GIT2: variants seen among roughly 807,000 people sequenced by gnomAD.
The protein encoded by GIT2 is GIT ArfGAP 2.
A neutral mutation model predicts 100.3 loss-of-function variants in GIT2; 32 were observed. The observed-to-expected ratio is 0.32, with a 90% CI of 0.24 to 0.43. GIT2 has a LOEUF of 0.43. GIT2 is among the 20% of genes least tolerant of loss of function. The pLI is 1.00. For missense variants in GIT2, 737 were observed against 975.1 expected, an observed-to-expected ratio of 0.76 and a Z score of 3.25; for synonymous variants, 353 against 364.1, an observed-to-expected ratio of 0.97 and a Z score of 0.35.
At chr12:109,979,065 C>T (rs1180103033) in intron 7 of GIT2, among the ~76,000 whole-genome samples, 1 of 152,022 alleles carries the variant, frequency 6.6e-6, no homozygotes, top group African/African-American at 2.4e-5. Flanking sequence ...AAAAGACAAG[C>T]AATCAGGATC....
chr12:109,949,038 TTC>T, intron 14 of GIT2: 1 of 581,052 alleles, frequency 1.7e-6, no homozygotes, highest in Non-Finnish European at 3.0e-6. Context: ...AGACCACTCA[TTC>T]TGTTTCTCTG....
chr12:109,930,733 G>T lies in GIT2; in HGVS notation c.*2245C>A, dbSNP rs748930566. Reference sequence around the variant, plus strand: ...ATAAAGGCAACATCTTCTATTGCAGGTCCTCAAACATTCCAAGGAAAACAC... The same window carrying T: ...ATAAAGGCAACATCTTCTATTGCAGTTCCTCAAACATTCCAAGGAAAACAC... On this transcript the variant is annotated 3_prime_UTR_variant, in exon 20 of 20. Coordinates refer to ENST00000355312, the MANE Select transcript of GIT2 (RefSeq NM_057169.5). 1 of 152,192 alleles carries T rather than the reference G, an allele frequency of 6.6e-6. No individual in the cohort carries two copies. Among genetic ancestry groups the T allele is most frequent in the African/African-American group, 2.4e-5 (1 of 41,428 alleles). The allele number at this position is 152,192 out of a possible 1,614,324, so 9.4% of individuals were successfully genotyped here. A position where few individuals can be genotyped will look rare whatever the true frequency, so the allele number is the denominator to read the frequency against.
At chr12:109,986,855 G>T (rs960107831) in intron 4 of GIT2, among the ~76,000 whole-genome samples, 2 of 152,132 alleles carry the variant, frequency 1.3e-5, no homozygotes, top group African/African-American at 2.4e-5. Flanking sequence ...TACTTGGGAG[G>T]CTGAGGCAGG....
At chr12:109,987,437 A>G (rs1223820492) in intron 4 of GIT2, among the ~76,000 whole-genome samples, 1 of 152,074 alleles carries the variant, frequency 6.6e-6, no homozygotes, top group Non-Finnish European at 1.5e-5. Flanking sequence ...AGCAAAAGCA[A>G]AAACCACATG....
intron 7 of GIT2, among the ~76,000 whole-genome samples, chr12:109,969,162 CTTTTTTTT>C (rs71079595): frequency 1.1e-4 from 10 of 89,134 alleles, no homozygotes; most frequent in African/African-American, 4.7e-4. Context: ...AAAACTTTTC[CTTTTTTTT>C]TTTTTTTTTT....
At chr12:109,978,329 CGCCTCA>C (rs1330085186) in intron 7 of GIT2, among the ~76,000 whole-genome samples, 3 of 151,944 alleles carry the variant, frequency 2.0e-5, no homozygotes, top group African/African-American at 7.3e-5. Context: ...ATGATCTGCC[CGCCTCA>C]GCCTCCCAAA....
Position 109,934,174 on chromosome 12 carries a change from A to C in GIT2, c.2004-89T>G. ...AAGTGCTAGAACAGATTCTGTTTAC[A>C]TTCCCTTCATGAAGGGGCTAGGGCT... On this transcript the variant is annotated intron_variant, in intron 18 of 19. Transcript: ENST00000355312. This position sits in a 1 kb window ranked among gnomAD's most constrained non-coding sequence, Gnocchi z 4.5. The C allele has an allele frequency of 1.3e-6, 1 of 782,302 alleles. No individual in the cohort carries two copies. The highest frequency in any genetic ancestry group is 2.3e-6 in the Non-Finnish European group (1 of 431,062). The allele number at this position is 782,302 out of a possible 1,614,324, so 48.5% of individuals were successfully genotyped here.
At chr12:109,971,813 C>A (rs1337135569) in intron 7 of GIT2, among the ~76,000 whole-genome samples, 1 of 151,394 alleles carries the variant, frequency 6.6e-6, no homozygotes, top group Non-Finnish European at 1.5e-5. Flanking sequence ...GCCAACATGG[C>A]GAAACCCTGT....
In GIT2 at chr12:109,989,005, G is replaced by C; in HGVS notation, c.363C>G (p.Pro121=). ...YQMLAFVHRL[P]CRDDDSVTAK... ...CAGTCACACTATCGTCATCCCGGCA[G>C]GGCAAGCGATGGACGAACGCTAACA... Residue 121 remains proline (P), a synonymous_variant, in exon 4 of 20, where the codon CCC becomes CCG. Coordinates refer to ENST00000355312, the MANE Select transcript of GIT2 (RefSeq NM_057169.5). 6.2e-7 allele frequency: 1 copy of C among 1,612,640 alleles called. No homozygotes were observed.
chr12:109,978,109 G>C (rs1555233366), intron 7 of GIT2, among the ~76,000 whole-genome samples: 3 of 128,450 alleles, frequency 2.3e-5, no homozygotes, highest in Non-Finnish European at 4.7e-5. Flanking sequence ...TTGAGACGGA[G>C]TTTCGCTCTG....
chr12:109,976,283 A>ATTTTT (rs1187840816), intron 7 of GIT2, among the ~76,000 whole-genome samples: 5 of 134,930 alleles, frequency 3.7e-5, no homozygotes, highest in Non-Finnish European at 7.9e-5. Flanking sequence ...CTACTAGATA[A>ATTTTT]TTTTTTTTTT....
rs79184643 is a variant in GIT2, at chr12:109,981,395, C to T, written c.624-349G>A. 2.8e-3 allele frequency: 613 copies of T among 218,124 alleles called. 18 individuals are homozygous for T. The East Asian group carries it at 0.049, about 18-fold the overall frequency. The allele number at this position is 218,124 out of a possible 1,614,324, so 13.5% of individuals were successfully genotyped here. A position where few individuals can be genotyped will look rare whatever the true frequency, so the allele number is the denominator to read the frequency against. Reference sequence around the variant, plus strand: ...GTAGAAGTTCTCAAAAATTAACTAGCGCATTTCTAGAAATATACCATGTGC... The same window carrying T: ...GTAGAAGTTCTCAAAAATTAACTAGTGCATTTCTAGAAATATACCATGTGC... On this transcript the variant is annotated intron_variant, in intron 6 of 19. Coordinates refer to ENST00000355312, the MANE Select transcript of GIT2 (RefSeq NM_057169.5).
intron 7 of GIT2, among the ~76,000 whole-genome samples, chr12:109,979,336 C>T (rs535927850): frequency 5.0e-4 from 68 of 135,628 alleles, no homozygotes; most frequent in East Asian, 2.4e-3. Context: ...AGTGCAGTGG[C>T]GCAATCTTGG....
intron 4 of GIT2, among the ~76,000 whole-genome samples, chr12:109,986,055 G>C (rs1459094712): frequency 6.6e-6 from 1 of 151,388 alleles, no homozygotes; most frequent in Non-Finnish European, 1.5e-5. Flanking sequence ...GCCGTGGCAT[G>C]ATCTCAGCTC....
intron 1 of GIT2, among the ~76,000 whole-genome samples, chr12:109,992,445 C>A (rs1186969783): frequency 6.6e-6 from 1 of 151,988 alleles, no homozygotes; most frequent in Non-Finnish European, 1.5e-5. Flanking sequence ...CTGTGCCCGG[C>A]CAAGATAATA....
chr12:109,996,964 C>CT (rs1889518944), upstream of GIT2, among the ~76,000 whole-genome samples: 1 of 150,410 alleles, frequency 6.6e-6, no homozygotes. Context: ...GTAATCCCAG[C>CT]ACTTTGGGAG....
At chr12:109,991,884 C>G in intron 1 of GIT2, 124 bp from the exon 2 acceptor site, 1 of 757,176 alleles carries the variant, frequency 1.3e-6, no homozygotes. Context: ...GTATGCTCAT[C>G]AATGCATCAG....
chr12:109,949,136 G>T, intron 14 of GIT2: 1 of 399,002 alleles, frequency 2.5e-6, no homozygotes, highest in Non-Finnish European at 4.5e-6. Flanking sequence ...TCCCTTTCCA[G>T]GGAAAGAACA....
At chr12:109,960,297 T>G (rs900336553) in intron 11 of GIT2, among the ~76,000 whole-genome samples, 1 of 152,238 alleles carries the variant, frequency 6.6e-6, no homozygotes, top group Non-Finnish European at 1.5e-5. Flanking sequence ...GTAGACCCAG[T>G]AATAATAAAT....
Sources: allele counts gnomAD v4.1 joint callset (sites outside exome capture counted in the v4.1 genomes callset), GRCh38; gene constraint gnomAD v4.1.1; non-coding constraint Gnocchi (gnomAD v3.1); transcripts MANE v1.5; gene names NCBI Gene and HGNC (gene_info 2026-07-23, HGNC 2026-07-21).